GPC5: variants seen among roughly 807,000 people sequenced by gnomAD.
GPC5 encodes glypican-5.
In GPC5, 47 loss-of-function variants were observed where a neutral mutation model predicts 53.9. That is an observed-to-expected ratio of 0.87 (90% CI 0.69 to 1.11). The LOEUF is 1.11. Ranked by LOEUF, GPC5 falls within the 50% of genes most tolerant of loss-of-function variation. The pLI is 0.00. For missense variants in GPC5, 748 were observed against 713.1 expected (o/e 1.05, Z -0.56); for synonymous variants, 286 against 263.3 (o/e 1.09, Z -0.84).
intron 4 of GPC5, among the ~76,000 whole-genome samples, chr13:91,751,215 A>G (rs2037169765): frequency 6.6e-6 from 1 of 152,148 alleles, no homozygotes; most frequent in South Asian, 2.1e-4. Flanking sequence ...TAATAATAAC[A>G]CAGACTTTCT....
chr13:91,573,837 A>G (rs1049414988), intron 2 of GPC5, among the ~76,000 whole-genome samples: 1 of 152,188 alleles, frequency 6.6e-6, no homozygotes, highest in African/African-American at 2.4e-5. Context: ...AAGTGCTTCA[A>G]CAAAAATGAA....
At chr13:92,131,800 A>T (rs1166905906) in intron 6 of GPC5, among the ~76,000 whole-genome samples, 6 of 151,962 alleles carry the variant, frequency 3.9e-5, no homozygotes, top group African/African-American at 1.2e-4. Flanking sequence ...TTCAATAAGG[A>T]GTATACTTAA....
chr13:92,693,288 G>C (rs9943907), intron 7 of GPC5, among the ~76,000 whole-genome samples: 1 of 152,204 alleles, frequency 6.6e-6, no homozygotes, highest in South Asian at 2.1e-4. Context: ...ATGTGGAGGC[G>C]ACATTGGAAC....
chr13:92,835,340 C>T lies in GPC5; in HGVS notation c.1562-30942C>T, dbSNP rs544309796. The stretch of plus-strand genomic sequence containing the variant: ...TTTTATTTTACTACTTACCTTCCTT[C>T]ACTCAGGTAAAATTCTCCAAATTTC... On this transcript the variant is annotated intron_variant, in intron 7 of 7. Transcript: ENST00000377067. Among the ~76,000 whole-genome samples, 78 of 152,094 alleles carry T rather than the reference C, an allele frequency of 5.1e-4. No homozygotes were observed. In the Middle Eastern group the frequency reaches 0.024, roughly 46 times the overall value.
chr13:91,932,196 T>G (rs2039828545), intron 6 of GPC5, among the ~76,000 whole-genome samples: 1 of 152,016 alleles, frequency 6.6e-6, no homozygotes, highest in African/African-American at 2.4e-5. Context: ...AATGCCAAAA[T>G]ATTGTGCCTC....
chr13:92,586,954 ACACACACACGCGCACACACACACACG>A (rs1325859008), intron 7 of GPC5, among the ~76,000 whole-genome samples: 1 of 112,364 alleles, frequency 8.9e-6, no homozygotes, highest in Non-Finnish European at 1.7e-5. Context: ...GCATACACAC[ACACACACACGCGCACACACACACACG>A]CACACACACT....
Position 92,281,402 on chromosome 13 carries a change from G to T in GPC5, c.1561+136413G>T, listed in dbSNP as rs143247680. Among the ~76,000 whole-genome samples the T allele has an allele frequency of 6.3e-3, 960 of 152,258 alleles. 37 individuals are homozygous for T. The South Asian group carries it at 0.1, about 17-fold the overall frequency. ...TCTGACAGCTTTGAAGAGAGTAGTG[G>T]TTCTCCCAGCACAGAGTTTGAGATC... On this transcript the variant is annotated intron_variant, in intron 7 of 7. Transcript: ENST00000377067.
chr13:91,827,003 A>T (rs1298710849), intron 5 of GPC5, among the ~76,000 whole-genome samples: 2 of 151,992 alleles, frequency 1.3e-5, no homozygotes, highest in African/African-American at 2.4e-5. Context: ...ACAAAGTAAG[A>T]TCTAGTGTTT....
chr13:91,465,307 C>A (rs552544994), intron 2 of GPC5, among the ~76,000 whole-genome samples: 2 of 152,222 alleles, frequency 1.3e-5, no homozygotes, highest in South Asian at 4.2e-4. Context: ...TTTAGTCATG[C>A]AATGACCACC....
At chr13:92,756,254 G>A (rs1351091670) in intron 7 of GPC5, among the ~76,000 whole-genome samples, 9 of 152,028 alleles carry the variant, frequency 5.9e-5, no homozygotes, top group Non-Finnish European at 1.0e-4. Context: ...AATAGATGCA[G>A]AAAAGGCCTT....
intron 2 of GPC5, among the ~76,000 whole-genome samples, chr13:91,586,675 G>T (rs909278120): frequency 6.8e-6 from 1 of 146,238 alleles, no homozygotes; most frequent in Non-Finnish European, 1.5e-5. Flanking sequence ...CTGCCCCCAT[G>T]ATCCAATCAC....
At chr13:91,537,643 T>C (rs965470561) in intron 2 of GPC5, among the ~76,000 whole-genome samples, 3 of 152,166 alleles carry the variant, frequency 2.0e-5, no homozygotes, top group Non-Finnish European at 2.9e-5. Context: ...AATGAAAGGA[T>C]GATGGAACAC....
intron 2 of GPC5, among the ~76,000 whole-genome samples, chr13:91,552,854 TG>T (rs538348059): frequency 4.5e-4 from 69 of 152,194 alleles, no homozygotes; most frequent in African/African-American, 1.4e-3. Context: ...GGCCAGATTT[TG>T]GGGGGCCTGC....
At chr13:92,312,010 G>C (rs2043148160) in intron 7 of GPC5, among the ~76,000 whole-genome samples, 1 of 152,056 alleles carries the variant, frequency 6.6e-6, no homozygotes, top group Non-Finnish European at 1.5e-5. Context: ...AACAAGGAGA[G>C]AACGGAATAA....
chr13:92,119,776 A>G (rs1263644133), intron 6 of GPC5, among the ~76,000 whole-genome samples: 1 of 151,754 alleles, frequency 6.6e-6, no homozygotes, highest in Non-Finnish European at 1.5e-5. Flanking sequence ...GCCTCCTTTG[A>G]ATTTCATGTG....
intron 7 of GPC5, among the ~76,000 whole-genome samples, chr13:92,802,715 G>C (rs925461020): frequency 1.3e-5 from 2 of 151,748 alleles, no homozygotes; most frequent in Non-Finnish European, 2.9e-5. Context: ...AACAAACACC[G>C]CATGTTCTCA....
intron 7 of GPC5, among the ~76,000 whole-genome samples, chr13:92,601,343 G>A (rs912684831): frequency 6.6e-6 from 1 of 151,930 alleles, no homozygotes; most frequent in Non-Finnish European, 1.5e-5. Flanking sequence ...ATCACCTGAG[G>A]TCAGGAGTTT....
At chr13:91,818,182 G>A (rs562518096) in intron 5 of GPC5, among the ~76,000 whole-genome samples, 11 of 152,234 alleles carry the variant, frequency 7.2e-5, no homozygotes, top group South Asian at 4.1e-4. Context: ...CAGTTGGTAC[G>A]AAAATATTTG....
At chr13:91,767,598 C>T (rs2037548685) in intron 5 of GPC5, among the ~76,000 whole-genome samples, 1 of 152,068 alleles carries the variant, frequency 6.6e-6, no homozygotes, top group Non-Finnish European at 1.5e-5. Flanking sequence ...CCACTGAGTT[C>T]CCAAAGGAAA....
Sources: gnomAD v4.1 joint callset for allele counts (sites outside exome capture counted in the v4.1 genomes callset) on GRCh38, gnomAD v4.1.1 for gene constraint, MANE v1.5 for transcripts, NCBI Gene and HGNC (gene_info 2026-07-23, HGNC 2026-07-21) for gene names.